LRIG2: variants seen among roughly 807,000 people sequenced by gnomAD.
The protein encoded by LRIG2 is leucine rich repeats and immunoglobulin like domains 2, also known as leucine-rich repeats and immunoglobulin-like domains protein 2.
LRIG2 carries 93 observed loss-of-function variants against 107.8 expected under a neutral mutation model. The ratio of observed to expected loss-of-function variants is 0.86; its 90% confidence interval spans 0.73 to 1.03. The LOEUF is 1.03. Ranked by LOEUF, LRIG2 falls within the 50% of genes least tolerant of loss-of-function variation. The pLI, the probability that LRIG2 is intolerant of heterozygous loss-of-function variation, is 0.00. For missense variants in LRIG2, 1,226 were observed against 1,296.0 expected, an observed-to-expected ratio of 0.95 and a Z score of 0.83; for synonymous variants, 471 against 470.6, an observed-to-expected ratio of 1.00 and a Z score of -0.01.
At chr1:113,076,781 A>G (rs1400387594) in intron 1 of LRIG2, among the ~76,000 whole-genome samples, 2 of 152,236 alleles carry the variant, frequency 1.3e-5, no homozygotes, top group African/African-American at 4.8e-5. Flanking sequence ...TTTTGGAAAC[A>G]TACTCAGATA....
intron 9 of LRIG2, 151 bp downstream of exon 9, chr1:113,098,936 T>C (rs1212622422): frequency 3.3e-6 from 2 of 599,492 alleles, no homozygotes; most frequent in Admixed American, 2.9e-5. Flanking sequence ...TTTGTTTGTT[T>C]GTTCGTTTTT....
At chr1:113,089,929 G>A (rs1162050295) in intron 1 of LRIG2, among the ~76,000 whole-genome samples, 7 of 151,200 alleles carry the variant, frequency 4.6e-5, no homozygotes, top group Non-Finnish European at 1.0e-4. Flanking sequence ...TCCTGACCCC[G>A]GGTGATCCAC....
intron 1 of LRIG2, among the ~76,000 whole-genome samples, chr1:113,086,206 T>C (rs1187511250): frequency 6.6e-6 from 1 of 151,966 alleles, no homozygotes; most frequent in Non-Finnish European, 1.5e-5. Context: ...GGTTTCACCA[T>C]GTTGGCAAGG....
rs1206430011 is a variant in LRIG2, at chr1:113,127,601, GTCA to G, written c.*3501_*3503del. The G allele has an allele frequency of 1.3e-5, 2 of 148,864 alleles. No homozygotes were observed. Among genetic ancestry groups the G allele is most frequent in the African/African-American group, 5.0e-5 (2 of 40,160 alleles). The allele number at this position is 148,864 out of a possible 1,614,324, so 9.2% of individuals were successfully genotyped here. A position where few individuals can be genotyped will look rare whatever the true frequency, so the allele number is the denominator to read the frequency against. The stretch of plus-strand genomic sequence containing the variant: ...TTTTTTTGAGACGGAGTCTCGCTCT[GTCA>G]CCCAGACTGGAGTGCAGTGGCACAA... On this transcript the variant is annotated 3_prime_UTR_variant, in exon 18 of 18. Transcript: ENST00000361127.
At chr1:113,120,167 G>T (rs1009960726) in intron 17 of LRIG2, among the ~76,000 whole-genome samples, 2 of 151,736 alleles carry the variant, frequency 1.3e-5, no homozygotes, top group African/African-American at 2.4e-5. Flanking sequence ...AAAATATGGG[G>T]GGCCGGGCAC....
intron 17 of LRIG2, among the ~76,000 whole-genome samples, chr1:113,120,763 G>A (rs1284242767): frequency 6.6e-6 from 1 of 151,750 alleles, no homozygotes; most frequent in Non-Finnish European, 1.5e-5. Flanking sequence ...ACCCACCTTG[G>A]CCTCCCAAAG....
At chr1:113,080,536 C>T (rs766716967) in intron 1 of LRIG2, among the ~76,000 whole-genome samples, 66 of 152,098 alleles carry the variant, frequency 4.3e-4, no homozygotes, top group African/African-American at 1.5e-3. Context: ...CCTACCACCA[C>T]GCCCGGCTAA....
At chr1:113,078,873 C>T (rs1557894655) in intron 1 of LRIG2, among the ~76,000 whole-genome samples, 1 of 152,094 alleles carries the variant, frequency 6.6e-6, no homozygotes, top group Non-Finnish European at 1.5e-5. Context: ...CTCCCAACCT[C>T]AGGTGATCTG....
In LRIG2 at chr1:113,123,923, C is replaced by T. The variant is rs376062030; in HGVS notation, c.3020C>T (p.Pro1007Leu). ...AACATAAACAGAGAACTAGGCCTGC[C>T]TCATCCTCCTTTTTCCCAGCAGCCA... ...VWNINRELGL[P>L]HPPFSQQPVH... The change falls in exon 18 of 18, where the codon CCT becomes CTT. Residue 1007 changes from proline to leucine, a missense_variant. Pro to Leu is a moderately conservative substitution (Grantham distance 98). Coordinates refer to ENST00000361127, the MANE Select transcript of LRIG2 (RefSeq NM_014813.3). The T allele has an allele frequency of 6.2e-7, 1 of 1,614,044 alleles. No homozygotes were observed. Among genetic ancestry groups the T allele is most frequent in the Non-Finnish European group, 8.5e-7 (1 of 1,180,040 alleles).
intron 1 of LRIG2, among the ~76,000 whole-genome samples, chr1:113,079,321 C>T (rs1423494628): frequency 7.2e-6 from 1 of 138,132 alleles, no homozygotes; most frequent in Non-Finnish European, 1.5e-5. Flanking sequence ...GTACTCCAGC[C>T]TGGGAGACAG....
intron 1 of LRIG2, among the ~76,000 whole-genome samples, chr1:113,079,552 G>C (rs1460178495): frequency 4.1e-5 from 6 of 145,198 alleles, no homozygotes; most frequent in Admixed American, 1.4e-4. Context: ...CCGTGGTGGC[G>C]GGCGCCTGTA....
At chr1:113,080,537 GC>G (rs1653222721) in intron 1 of LRIG2, among the ~76,000 whole-genome samples, 1 of 151,544 alleles carries the variant, frequency 6.6e-6, no homozygotes. Context: ...CTACCACCAC[GC>G]CCGGCTAATT....
intron 14 of LRIG2, among the ~76,000 whole-genome samples, chr1:113,113,764 T>C (rs1222614953): frequency 6.6e-6 from 1 of 151,986 alleles, no homozygotes; most frequent in Non-Finnish European, 1.5e-5. Context: ...GGTTTCACCA[T>C]GTTGGTCAGG....
intron 16 of LRIG2, among the ~76,000 whole-genome samples, chr1:113,116,992 A>G (rs1336352153): frequency 3.9e-5 from 6 of 152,240 alleles, no homozygotes; most frequent in Non-Finnish European, 8.8e-5. Flanking sequence ...CACCTCTAAA[A>G]GAAATCAACA....
intron 11 of LRIG2, among the ~76,000 whole-genome samples, chr1:113,106,177 G>C (rs567732132): frequency 6.6e-6 from 1 of 151,708 alleles, no homozygotes; most frequent in Non-Finnish European, 1.5e-5. Flanking sequence ...GCAGTGGGCC[G>C]AGATTGCGCC....
rs1353861872 is a variant in LRIG2, at chr1:113,126,133, C to A, written c.*2032C>A. ...TTTTCCTGGAAAGGCATTCCATGTT[C>A]CAAAAGCTACAAAAACATGCCACTT... On this transcript the variant is annotated 3_prime_UTR_variant, in exon 18 of 18. Transcript: ENST00000361127. 6.6e-6 allele frequency: 1 copy of A among 152,162 alleles called. No individual in the cohort carries two copies. Among genetic ancestry groups the A allele is most frequent in the African/African-American group, 2.4e-5 (1 of 41,422 alleles). 9.4% of individuals were successfully genotyped at this position (152,162 alleles called of 1,614,324 possible).
intron 1 of LRIG2, among the ~76,000 whole-genome samples, chr1:113,090,831 C>G (rs964297466): frequency 3.5e-5 from 5 of 142,540 alleles, no homozygotes; most frequent in Non-Finnish European, 7.6e-5. Context: ...GAGCGAGACT[C>G]CGTCTCAAAA....
chr1:113,113,626 A>G (rs927406545), intron 14 of LRIG2, among the ~76,000 whole-genome samples: 3 of 151,494 alleles, frequency 2.0e-5, no homozygotes, highest in Non-Finnish European at 4.4e-5. Context: ...GCAGTGGCGC[A>G]ATCTCGGCTC....
rs1655514779 is a variant in LRIG2, at chr1:113,127,207, T to C, written c.*3106T>C. The C allele has an allele frequency of 6.6e-6, 1 of 152,112 alleles. No homozygotes were observed. The highest frequency in any genetic ancestry group is 2.4e-5 in the African/African-American group (1 of 41,416). The allele number at this position is 152,112 out of a possible 1,614,324, so 9.4% of individuals were successfully genotyped here. On this transcript the variant is annotated 3_prime_UTR_variant, in exon 18 of 18. Transcript: ENST00000361127. ...GAGTGCTCTTGGGAGTAGAAGAACATGCAAACATTCTTTTTTCTTTATTAT... is the reference window on the plus strand; with the variant it reads ...GAGTGCTCTTGGGAGTAGAAGAACACGCAAACATTCTTTTTTCTTTATTAT...
Sources: allele counts gnomAD v4.1 joint callset (sites outside exome capture counted in the v4.1 genomes callset), GRCh38; gene constraint gnomAD v4.1.1; transcripts MANE v1.5; gene names NCBI Gene and HGNC (gene_info 2026-07-23, HGNC 2026-07-21).